Variants in ANGPTL2 observed in about 807,000 individuals in gnomAD.
ANGPTL2 encodes the protein angiopoietin-related protein 2.
ANGPTL2 carries 25 observed loss-of-function variants against 52.8 expected under a neutral mutation model. That is an observed-to-expected ratio of 0.47 (90% confidence interval 0.35 to 0.66). The LOEUF is 0.66. ANGPTL2 is among the 30% of genes least tolerant of loss of function. ANGPTL2 has a pLI of 0.01. For synonymous variants in ANGPTL2, 276 were observed against 277.4 expected (o/e 1.00, Z 0.05); for missense variants, 546 against 656.9 (o/e 0.83, Z 1.84).
intron 2 of ANGPTL2, among the ~76,000 whole-genome samples, chr9:127,097,321 G>A (rs945768457): frequency 1.3e-5 from 2 of 152,104 alleles, no homozygotes; most frequent in Non-Finnish European, 2.9e-5. Context: ...TAGAATAATC[G>A]AGTAGGTATC....
At chr9:127,121,756 G>C (rs1347352291) in intron 1 of ANGPTL2, among the ~76,000 whole-genome samples, 1 of 152,216 alleles carries the variant, frequency 6.6e-6, no homozygotes, top group Non-Finnish European at 1.5e-5. Flanking sequence ...CCGTTCCCGT[G>C]CTGGGTGCCT....
At chr9:127,113,440 T>C (rs2055059522) in intron 1 of ANGPTL2, among the ~76,000 whole-genome samples, 1 of 149,730 alleles carries the variant, frequency 6.7e-6, no homozygotes, top group African/African-American at 2.4e-5. Flanking sequence ...CAGTAATAAG[T>C]TTGTTTACTT....
At chr9:127,094,046 G>A (rs1188479590) in intron 2 of ANGPTL2, 120 bp from the exon 3 acceptor site, 6 of 1,149,270 alleles carry the variant, frequency 5.2e-6, no homozygotes, top group Non-Finnish European at 7.2e-6. Flanking sequence ...CAGGCCCACG[G>A]TCTGAGGTAA....
rs908025486 is a variant in ANGPTL2, at chr9:127,091,113, C to T, written c.1282+557G>A. Among the ~76,000 whole-genome samples, 1 of 152,250 alleles carries T rather than the reference C, an allele frequency of 6.6e-6. No individual in the cohort carries two copies. Among genetic ancestry groups the T allele is most frequent in the Non-Finnish European group, 1.5e-5 (1 of 68,042 alleles). On this transcript the variant is annotated intron_variant, in intron 4 of 4. Coordinates refer to ENST00000373425, the MANE Select transcript of ANGPTL2 (RefSeq NM_012098.3). This position sits in a 1 kb window ranked among gnomAD's most constrained non-coding sequence, Gnocchi z 4.3. ...AGAAAGCCAGTTTGTATGGAGCCCT[C>T]GCTATGTGCCAAATCCTAGACAAAG...
At chr9:127,094,435 A>C (rs1190538594) in intron 2 of ANGPTL2, among the ~76,000 whole-genome samples, 1 of 152,252 alleles carries the variant, frequency 6.6e-6, no homozygotes, top group Non-Finnish European at 1.5e-5. Context: ...CTGGGGGCCA[A>C]GTACAGTTGG....
intron 2 of ANGPTL2, among the ~76,000 whole-genome samples, chr9:127,107,453 A>G (rs535225309): frequency 2.0e-5 from 3 of 152,362 alleles, no homozygotes; most frequent in East Asian, 1.9e-4. Context: ...CCCAGCCCCT[A>G]CAATGTGTTT....
chr9:127,098,286 A>G (rs1033703880), intron 2 of ANGPTL2, among the ~76,000 whole-genome samples: 1 of 152,224 alleles, frequency 6.6e-6, no homozygotes, highest in Non-Finnish European at 1.5e-5. Context: ...ACCAGTGCAG[A>G]GTACCTAGCG....
intron 1 of ANGPTL2, among the ~76,000 whole-genome samples, chr9:127,112,580 T>C (rs1016906063): frequency 4.6e-5 from 7 of 152,250 alleles, no homozygotes; most frequent in Admixed American, 2.0e-4. Context: ...CTCCCAAACA[T>C]GGGCTCTCAC....
At chr9:127,097,072 T>G (rs559990521) in intron 2 of ANGPTL2, among the ~76,000 whole-genome samples, 39 of 152,374 alleles carry the variant, frequency 2.6e-4, no homozygotes, top group Non-Finnish European at 4.7e-4. Context: ...GACTTAGCTC[T>G]GTGTCCTTAG....
At chr9:127,117,152 C>T in intron 1 of ANGPTL2, among the ~76,000 whole-genome samples, 1 of 152,246 alleles carries the variant, frequency 6.6e-6, no homozygotes, top group Non-Finnish European at 1.5e-5. Context: ...TGGCTGATGC[C>T]TGCCTGTCTT....
At chr9:127,096,412 G>A (rs1027615018) in intron 2 of ANGPTL2, among the ~76,000 whole-genome samples, 21 of 152,290 alleles carry the variant, frequency 1.4e-4, no homozygotes, top group East Asian at 9.6e-4. Flanking sequence ...GCAAAATAAC[G>A]CCCACTGAGA....
chr9:127,118,392 A>AATAACTCTTCTATTTGGGGTGTTTTAT (rs2055673412), intron 1 of ANGPTL2, among the ~76,000 whole-genome samples: 1 of 152,236 alleles, frequency 6.6e-6, no homozygotes, highest in African/African-American at 2.4e-5. Context: ...CCTGTGGCTG[A>AATAACTCTTCTATTTGGGGTGTTTTAT]ATAACTCTTC....
intron 3 of ANGPTL2, among the ~76,000 whole-genome samples, 157 bp downstream of exon 3, chr9:127,093,576 T>A (rs956049139): frequency 6.6e-6 from 1 of 152,204 alleles, no homozygotes. Context: ...CCTGTCTGCA[T>A]CCTTCTCGCC....
intron 1 of ANGPTL2, among the ~76,000 whole-genome samples, chr9:127,115,109 G>A (rs2055260497): frequency 6.6e-6 from 1 of 152,168 alleles, no homozygotes; most frequent in Admixed American, 6.5e-5. Context: ...TATCTCATTG[G>A]CTCTTAATAG....
At chr9:127,089,486 G>A (rs2052190816) in intron 4 of ANGPTL2, among the ~76,000 whole-genome samples, 1 of 152,206 alleles carries the variant, frequency 6.6e-6, no homozygotes, top group Non-Finnish European at 1.5e-5. Context: ...GGGTGCAAAG[G>A]AGGCCCCAAG....
At chr9:127,100,191 G>A (rs945993636) in intron 2 of ANGPTL2, among the ~76,000 whole-genome samples, 1 of 152,106 alleles carries the variant, frequency 6.6e-6, no homozygotes, top group African/African-American at 2.4e-5. Context: ...AATTAATTGA[G>A]TTACTCTTAG....
At chr9:127,104,735 A>G (rs536554455) in intron 2 of ANGPTL2, among the ~76,000 whole-genome samples, 2 of 152,326 alleles carry the variant, frequency 1.3e-5, no homozygotes, top group South Asian at 4.1e-4. Flanking sequence ...GGGGAAGGGC[A>G]TGCTGTGGGC....
intron 4 of ANGPTL2, among the ~76,000 whole-genome samples, chr9:127,089,890 G>T (rs2052254913): frequency 1.3e-5 from 2 of 152,202 alleles, no homozygotes; most frequent in Admixed American, 6.5e-5. Flanking sequence ...GTGAAGGGGG[G>T]TCCCCACTTT....
At chr9:127,114,721 C>T (rs1244328293) in intron 1 of ANGPTL2, among the ~76,000 whole-genome samples, 1 of 152,222 alleles carries the variant, frequency 6.6e-6, no homozygotes, top group East Asian at 1.9e-4. Context: ...CATCCCAGCA[C>T]TGCAGGAGGC....
Sources: allele counts gnomAD v4.1 joint callset (sites outside exome capture counted in the v4.1 genomes callset), GRCh38; gene constraint gnomAD v4.1.1; non-coding constraint Gnocchi (gnomAD v3.1); transcripts MANE v1.5; gene names NCBI Gene and HGNC (gene_info 2026-07-23, HGNC 2026-07-21).